PANK2: variants seen among roughly 807,000 people sequenced by gnomAD.
PANK2 encodes pantothenate kinase 2.
Under a neutral mutation model 43.1 loss-of-function variants are expected in PANK2, and 36 were observed. The observed-to-expected ratio is 0.84, with a 90% CI of 0.64 to 1.10. PANK2 has a LOEUF of 1.10. PANK2 is among the 50% of genes least tolerant of loss of function. PANK2 has a pLI of 0.00. For missense variants in PANK2, 576 were observed against 593.3 expected (o/e 0.97, Z 0.30); for synonymous variants, 281 against 238.2 (o/e 1.18, Z -1.66).
chr20:3,903,735 C>T (rs1275037442), intron 1 of PANK2, among the ~76,000 whole-genome samples: 3 of 151,362 alleles, frequency 2.0e-5, no homozygotes, highest in Non-Finnish European at 4.4e-5. Context: ...TCAAGCGATT[C>T]TGCTGCCTCA....
intron 3 of PANK2, among the ~76,000 whole-genome samples, chr20:3,911,199 G>A (rs1057189374): frequency 3.3e-5 from 5 of 152,118 alleles, no homozygotes; most frequent in Admixed American, 2.6e-4. Context: ...CCACACACAT[G>A]TGTGTGTAGA....
chr20:3,904,508 A>T (rs994854039), intron 1 of PANK2, among the ~76,000 whole-genome samples: 1 of 152,172 alleles, frequency 6.6e-6, no homozygotes, highest in Non-Finnish European at 1.5e-5. Context: ...TCAAGGTTAC[A>T]GTCAGTTGTG....
intron 2 of PANK2, among the ~76,000 whole-genome samples, chr20:3,910,136 C>A (rs2146865043): frequency 6.6e-6 from 1 of 152,256 alleles, no homozygotes; most frequent in Admixed American, 6.5e-5. Context: ...TTTGATACTG[C>A]TCCAAAGCCT....
In PANK2 at chr20:3,889,496, C is replaced by T. The variant is rs754198411; in HGVS notation, c.66C>T (p.Pro22=). ...TGGGAGGGGGCCGGCTCGGCGCGCC[C>T]ATGGAGCGCCACGGCAGGGCTTCCG... The change falls in exon 1 of 7, where the codon CCC becomes CCT. Residue 22 remains proline (P), a synonymous_variant. Coordinates refer to ENST00000610179, the MANE Select transcript of PANK2 (RefSeq NM_001386393.1). 24 of 1,468,650 alleles carry T rather than the reference C, an allele frequency of 1.6e-5. No individual in the cohort carries two copies. The highest frequency in any genetic ancestry group is 2.1e-5 in the Non-Finnish European group (23 of 1,120,018). The allele number at this position is 1,468,650 out of a possible 1,614,324, so 91.0% of individuals were successfully genotyped here.
chr20:3,906,701 C>T (rs2090391841), intron 1 of PANK2, among the ~76,000 whole-genome samples: 1 of 152,128 alleles, frequency 6.6e-6, no homozygotes, highest in Admixed American at 6.6e-5. Context: ...CTACTGAATG[C>T]TTATTGCACC....
chr20:3,922,433 C>T (rs542362860), intron 6 of PANK2, among the ~76,000 whole-genome samples: 2 of 152,330 alleles, frequency 1.3e-5, no homozygotes, highest in East Asian at 3.9e-4. Context: ...TTCTGTGTCT[C>T]AGGAGGGCTG....
At chr20:3,900,430 G>T (rs1190736503) in intron 1 of PANK2, among the ~76,000 whole-genome samples, 1 of 151,674 alleles carries the variant, frequency 6.6e-6, no homozygotes, top group Admixed American at 6.6e-5. Context: ...TAAATCAGCT[G>T]CTCTATCTAG....
At chr20:3,904,141 G>A (rs1018182458) in intron 1 of PANK2, among the ~76,000 whole-genome samples, 2 of 151,916 alleles carry the variant, frequency 1.3e-5, no homozygotes, top group African/African-American at 4.8e-5. Context: ...AATATAGTAT[G>A]TAGCCTTTTG....
At chr20:3,889,148 G>A (rs982359150), upstream of PANK2, 57 of 1,582,014 alleles carry the variant, frequency 3.6e-5, no homozygotes, top group Non-Finnish European at 4.5e-5. Context: ...GGGCGGCGCC[G>A]CCATCACTCT....
chr20:3,901,493 T>C (rs912882053), intron 1 of PANK2: 1 of 490,676 alleles, frequency 2.0e-6, no homozygotes, highest in Non-Finnish European at 2.6e-6. Context: ...CTATCACTTC[T>C]ATATTCTTGT....
At chr20:3,910,294 G>GGT (rs1467014613) in intron 2 of PANK2, among the ~76,000 whole-genome samples, 2 of 106,358 alleles carry the variant, frequency 1.9e-5, no homozygotes, top group African/African-American at 3.1e-5. Context: ...TAAATGCTGT[G>GGT]GTTTTTTTTT....
chr20:3,888,962 A>T, upstream of PANK2: 1 of 596,162 alleles, frequency 1.7e-6, no homozygotes. Context: ...ACGCTGCGGG[A>T]GCACTGCTGG....
In PANK2 at chr20:3,928,562, C is replaced by T. The variant is rs746831133; in HGVS notation, c.*5268C>T. 6.6e-6 allele frequency: 1 copy of T among 151,958 alleles called. No homozygotes were observed. The highest frequency in any genetic ancestry group is 2.4e-5 in the African/African-American group (1 of 41,378). The allele number at this position is 151,958 out of a possible 1,614,324, so 9.4% of individuals were successfully genotyped here. On this transcript the variant is annotated 3_prime_UTR_variant, in exon 7 of 7. Transcript: ENST00000610179. ...CACGAGGTCAGGAGATCGAGACCAT[C>T]CTGGCTAACACGGTGAAACTCCGTC...
intron 1 of PANK2, among the ~76,000 whole-genome samples, chr20:3,892,555 T>G (rs1054608647): frequency 4.0e-5 from 6 of 150,946 alleles, no homozygotes; most frequent in African/African-American, 4.9e-5. Context: ...CGCGTGCCCG[T>G]AGTCGCAGCT....
intron 1 of PANK2, among the ~76,000 whole-genome samples, chr20:3,907,576 G>A (rs1163459237): frequency 6.6e-6 from 1 of 152,020 alleles, no homozygotes; most frequent in South Asian, 2.1e-4. Context: ...TTTTTAAGCC[G>A]ATAGGAAAGA....
At position 3,918,731 on chromosome 20, in the gene PANK2, C is replaced by G; in HGVS notation, c.1267C>G (p.Leu423Val). The G allele has an allele frequency of 6.2e-7, 1 of 1,614,164 alleles. No homozygotes were observed. The highest frequency in any genetic ancestry group is 8.5e-7 in the Non-Finnish European group (1 of 1,180,036). The change falls in exon 6 of 7, where the codon CTT becomes GTT. Residue 423 changes from leucine (L) to valine (V), a missense_variant. Physicochemically the swap from Leu to Val is conservative, Grantham distance 32. Transcript: ENST00000610179. ...GAGAATTAATACGATCGCCATGCGG[C>G]TTTTGGCATATGCTTTGGATTATTG...
Position 3,920,635 on chromosome 20 carries a change from A to G in PANK2, c.1332+1839A>G, listed in dbSNP as rs150382326. 3.6e-3 allele frequency among the ~76,000 whole-genome samples: 551 copies of G among 152,306 alleles called. 17 individuals carry two copies. In the East Asian group the frequency reaches 0.073, roughly 20 times the overall value. ...GCCGAGGTGGGCGGATCATGAGGTCAGGAGTTCAAGACCAGCCTGACCAAC... is the reference window on the plus strand; with the variant it reads ...GCCGAGGTGGGCGGATCATGAGGTCGGGAGTTCAAGACCAGCCTGACCAAC... On this transcript the variant is annotated intron_variant, in intron 6 of 6. Transcript: ENST00000610179.
intron 1 of PANK2, among the ~76,000 whole-genome samples, chr20:3,901,148 T>C (rs948352707): frequency 4.0e-5 from 6 of 151,836 alleles, no homozygotes; most frequent in Non-Finnish European, 8.8e-5. Context: ...CCTCAAACTC[T>C]TGGGCTCAAG....
At chr20:3,891,203 C>T (rs2090117779) in intron 1 of PANK2, 1 of 152,198 alleles carries the variant, frequency 6.6e-6, no homozygotes, top group African/African-American at 2.4e-5. Flanking sequence ...GCACGTGCCA[C>T]TATGCCAGGC....
Sources: gnomAD v4.1 joint callset for allele counts (sites outside exome capture counted in the v4.1 genomes callset) on GRCh38, gnomAD v4.1.1 for gene constraint, MANE v1.5 for transcripts, NCBI Gene and HGNC (gene_info 2026-07-23, HGNC 2026-07-21) for gene names.